Variants in CRTC1 observed in about 807,000 individuals in gnomAD.
The protein encoded by CRTC1 is CREB-regulated transcription coactivator 1.
A neutral mutation model predicts 66.1 loss-of-function variants in CRTC1; 18 were observed. The observed-to-expected ratio is 0.27, with a 90% confidence interval of 0.19 to 0.40. CRTC1 has a LOEUF of 0.40. Ranked by LOEUF, CRTC1 falls within the 10% of genes least tolerant of loss-of-function variation. The pLI is 1.00. For missense variants in CRTC1, 669 were observed against 887.9 expected, an observed-to-expected ratio of 0.75 and a Z score of 3.13; for synonymous variants, 416 against 398.8, an observed-to-expected ratio of 1.04 and a Z score of -0.51.
At chr19:18,746,000 C>T (rs781144649) in intron 3 of CRTC1, 40 bp downstream of exon 3, 1 of 1,572,768 alleles carries the variant, frequency 6.4e-7, no homozygotes, top group Non-Finnish European at 8.7e-7. Flanking sequence ...GGGCCAGGCC[C>T]TGTCGGTGCC....
chr19:18,729,669 A>C (rs2053842521), intron 1 of CRTC1, among the ~76,000 whole-genome samples: 1 of 152,050 alleles, frequency 6.6e-6, no homozygotes, highest in African/African-American at 2.4e-5. Context: ...TGAGCCTGGA[A>C]GGTTGAGGCT....
intron 10 of CRTC1, among the ~76,000 whole-genome samples, chr19:18,769,716 G>T (rs1048218913): frequency 6.6e-6 from 1 of 152,178 alleles, no homozygotes; most frequent in African/African-American, 2.4e-5. Context: ...GTGGTTCTTG[G>T]AGTCACAGGG....
At position 18,768,402 on chromosome 19, in the gene CRTC1, G is replaced by A; in HGVS notation, c.1012-83G>A. On this transcript the variant is annotated intron_variant, in intron 9 of 13. Transcript: ENST00000321949. The surrounding 1 kb of genome is among the most constrained non-coding windows in gnomAD (Gnocchi z 5.6). ...ACAGGGCCCTTCCACCTCGCCTGCT[G>A]AGCATGCCAGGCTATGGGGGCCCGA... 4.1e-6 allele frequency: 5 copies of A among 1,211,018 alleles called. No individual in the cohort carries two copies. Among genetic ancestry groups the A allele is most frequent in the Non-Finnish European group, 5.8e-6 (5 of 856,360 alleles). The allele number at this position is 1,211,018 out of a possible 1,614,324, so 75.0% of individuals were successfully genotyped here.
intron 1 of CRTC1, among the ~76,000 whole-genome samples, chr19:18,727,229 G>A (rs1006379073): frequency 2.6e-5 from 4 of 151,448 alleles, no homozygotes; most frequent in African/African-American, 9.7e-5. Flanking sequence ...CAGCCTGGGT[G>A]ACAGAGTGAG....
intron 1 of CRTC1, among the ~76,000 whole-genome samples, chr19:18,699,675 C>T (rs778099584): frequency 1.3e-5 from 2 of 152,306 alleles, no homozygotes; most frequent in Non-Finnish European, 1.5e-5. Flanking sequence ...CTGGCCCTGC[C>T]CCTGAGGTTG....
chr19:18,689,670 C>G (rs945004086), intron 1 of CRTC1, among the ~76,000 whole-genome samples: 5 of 144,662 alleles, frequency 3.5e-5, no homozygotes, highest in Admixed American at 7.1e-5. Context: ...TGCACCGTCA[C>G]CGGCATGGCT....
At chr19:18,713,652 G>A (rs1406311002) in intron 1 of CRTC1, among the ~76,000 whole-genome samples, 2 of 152,214 alleles carry the variant, frequency 1.3e-5, no homozygotes, top group South Asian at 2.1e-4. Flanking sequence ...CAGGCTCACC[G>A]CCGGTTGGCC....
intron 1 of CRTC1, among the ~76,000 whole-genome samples, chr19:18,740,032 C>T (rs1169389054): frequency 1.3e-5 from 2 of 152,088 alleles, no homozygotes; most frequent in Non-Finnish European, 2.9e-5. Flanking sequence ...GCGGGCGAAT[C>T]TCTTGAGGTC....
chr19:18,745,462 T>C (rs2054210448), intron 2 of CRTC1, among the ~76,000 whole-genome samples: 1 of 152,158 alleles, frequency 6.6e-6, no homozygotes, highest in Non-Finnish European at 1.5e-5. Flanking sequence ...GGCGGAGGCC[T>C]GTCTGCACCT....
chr19:18,773,389 C>G (rs73523203), intron 11 of CRTC1, among the ~76,000 whole-genome samples: 5 of 152,184 alleles, frequency 3.3e-5, no homozygotes. Context: ...CTCCCAACTT[C>G]AAGCTCACCT....
At chr19:18,775,898 C>A in intron 13 of CRTC1, 77 bp downstream of exon 13, 2 of 1,426,870 alleles carry the variant, frequency 1.4e-6, no homozygotes, top group Non-Finnish European at 1.9e-6. Flanking sequence ...AGACTGCTGT[C>A]CCGCAGCAGG....
At chr19:18,694,761 G>T (rs893280790) in intron 1 of CRTC1, among the ~76,000 whole-genome samples, 4 of 152,156 alleles carry the variant, frequency 2.6e-5, no homozygotes, top group Admixed American at 2.6e-4. Context: ...AGAAGGGATT[G>T]GCTGGCCTCT....
intron 1 of CRTC1, among the ~76,000 whole-genome samples, chr19:18,688,627 G>A (rs552275104): frequency 4.6e-5 from 7 of 152,050 alleles, no homozygotes; most frequent in East Asian, 3.9e-4. Flanking sequence ...TAGTAGAGAC[G>A]GGGTTTCACC....
At chr19:18,694,330 A>G (rs1449619851) in intron 1 of CRTC1, among the ~76,000 whole-genome samples, 1 of 151,680 alleles carries the variant, frequency 6.6e-6, no homozygotes, top group Non-Finnish European at 1.5e-5. Flanking sequence ...AGAAGAGACG[A>G]AGAAAAAAAT....
chr19:18,719,167 T>G (rs75907904), intron 1 of CRTC1, among the ~76,000 whole-genome samples: 15,853 of 152,228 alleles, frequency 0.1, 1,054 homozygotes, highest in East Asian at 0.26. Flanking sequence ...TGTCCCTGCT[T>G]CTTCTACCCT....
chr19:18,721,916 C>T (rs935946670), intron 1 of CRTC1, among the ~76,000 whole-genome samples: 2 of 152,246 alleles, frequency 1.3e-5, no homozygotes, highest in African/African-American at 4.8e-5. Context: ...TCCATCATCA[C>T]TGGCCCTTAC....
At chr19:18,737,304 C>G (rs1168306468) in intron 1 of CRTC1, among the ~76,000 whole-genome samples, 2 of 151,934 alleles carry the variant, frequency 1.3e-5, no homozygotes, top group Non-Finnish European at 2.9e-5. Flanking sequence ...CAGGCTGTAT[C>G]AGGAGCGGGG....
intron 1 of CRTC1, among the ~76,000 whole-genome samples, chr19:18,724,572 G>A (rs1181762917): frequency 6.6e-6 from 1 of 151,622 alleles, no homozygotes. Flanking sequence ...TTCCTCTGGA[G>A]GCTCTGGGGA....
chr19:18,701,751 G>A (rs2053145660), intron 1 of CRTC1, among the ~76,000 whole-genome samples: 1 of 151,860 alleles, frequency 6.6e-6, no homozygotes, highest in Non-Finnish European at 1.5e-5. Context: ...GATTACAGGC[G>A]TGTGTCACCA....
Sources: allele counts gnomAD v4.1 joint callset (sites outside exome capture counted in the v4.1 genomes callset), GRCh38; gene constraint gnomAD v4.1.1; non-coding constraint Gnocchi (gnomAD v3.1); transcripts MANE v1.5; gene names NCBI Gene and HGNC (gene_info 2026-07-23, HGNC 2026-07-21).